PRMT3: variants seen among roughly 807,000 people sequenced by gnomAD.
The protein encoded by PRMT3 is protein arginine methyltransferase 3, also known as protein arginine N-methyltransferase 3.
Under a neutral mutation model 71.9 loss-of-function variants are expected in PRMT3, and 62 were observed. That is an observed-to-expected ratio of 0.86 (90% CI 0.70 to 1.07). The LOEUF is 1.07. Ranked by LOEUF, PRMT3 falls within the 50% of genes least tolerant of loss-of-function variation. The pLI is 0.00. For missense variants in PRMT3, 663 were observed against 643.0 expected, an observed-to-expected ratio of 1.03 and a Z score of -0.34; for synonymous variants, 213 against 220.4, an observed-to-expected ratio of 0.97 and a Z score of 0.30.
In PRMT3 at chr11:20,487,573, TTC is replaced by T. The variant is rs775320195; in HGVS notation, c.1348-6344_1348-6343del. 2.7e-4 allele frequency among the ~76,000 whole-genome samples: 41 copies of T among 152,216 alleles called. 1 individual carries two copies. The highest frequency in any genetic ancestry group is 6.4e-3 in the Middle Eastern group (2 of 314). On this transcript the variant is annotated intron_variant, in intron 13 of 15. Coordinates refer to ENST00000331079, the MANE Select transcript of PRMT3 (RefSeq NM_005788.4). ...GGGGGACTACTAGGGTGCTGAGATG[TTC>T]TGTTTCTTCATCTGGGTGTGGGTTT...
At chr11:20,428,970 A>G (rs7396986) in intron 10 of PRMT3, among the ~76,000 whole-genome samples, 1 of 151,948 alleles carries the variant, frequency 6.6e-6, no homozygotes, top group Non-Finnish European at 1.5e-5. Flanking sequence ...AATGCTAGTT[A>G]CTTGTGGGCA....
At chr11:20,507,328 T>A (rs1187140360) in intron 15 of PRMT3, among the ~76,000 whole-genome samples, 1 of 152,196 alleles carries the variant, frequency 6.6e-6, no homozygotes, top group Non-Finnish European at 1.5e-5. Flanking sequence ...AGGGACCATA[T>A]CTTTTTTCTA....
intron 9 of PRMT3, 35 bp downstream of exon 9, chr11:20,408,067 T>C: frequency 7.1e-7 from 1 of 1,403,142 alleles, no homozygotes; most frequent in Non-Finnish European, 9.7e-7. Flanking sequence ...TAAGATTATT[T>C]TAAAATTTAA....
chr11:20,415,373 A>C (rs1456798414), intron 9 of PRMT3, among the ~76,000 whole-genome samples: 2 of 152,052 alleles, frequency 1.3e-5, no homozygotes, highest in African/African-American at 4.8e-5. Context: ...ACATTCCATG[A>C]CCACCCACTA....
intron 13 of PRMT3, among the ~76,000 whole-genome samples, chr11:20,483,028 C>G (rs532294414): frequency 6.6e-6 from 1 of 151,996 alleles, no homozygotes; most frequent in African/African-American, 2.4e-5. Flanking sequence ...CAAAAAAAAA[C>G]TATTCATTTC....
chr11:20,450,189 C>A lies in PRMT3; in HGVS notation c.994-1941C>A, dbSNP rs534639271. On this transcript the variant is annotated intron_variant, in intron 10 of 15. Transcript: ENST00000331079. ...GAATGTAGTGAATACTTAATTTGTACTAAAGTGTTAATTTTATTTATTTTA... is the reference window on the plus strand; with the variant it reads ...GAATGTAGTGAATACTTAATTTGTAATAAAGTGTTAATTTTATTTATTTTA... Among the ~76,000 whole-genome samples the A allele has an allele frequency of 5.9e-5, 9 of 152,132 alleles. No homozygotes were observed. The East Asian group carries it at 1.7e-3, about 29-fold the overall frequency.
chr11:20,438,677 A>G (rs541279870), intron 10 of PRMT3, among the ~76,000 whole-genome samples: 1 of 152,104 alleles, frequency 6.6e-6, no homozygotes, highest in Admixed American at 6.6e-5. Context: ...CCACTTCACC[A>G]TAGACCTGTG....
chr11:20,401,309 A>G (rs1848943232), intron 7 of PRMT3, among the ~76,000 whole-genome samples: 1 of 152,204 alleles, frequency 6.6e-6, no homozygotes. Context: ...AGAAGAGTGT[A>G]AAATTTGTAA....
chr11:20,486,570 A>C (rs1016721460), intron 13 of PRMT3, among the ~76,000 whole-genome samples: 1 of 152,114 alleles, frequency 6.6e-6, no homozygotes, highest in Non-Finnish European at 1.5e-5. Context: ...ACACCTACCT[A>C]ATACAGGGCA....
intron 7 of PRMT3, among the ~76,000 whole-genome samples, chr11:20,402,158 G>A (rs937173688): frequency 2.6e-5 from 4 of 151,156 alleles, no homozygotes; most frequent in Non-Finnish European, 4.4e-5. Flanking sequence ...GCGCTCTTGT[G>A]GCCCAGGCTG....
intron 9 of PRMT3, among the ~76,000 whole-genome samples, chr11:20,412,022 C>T (rs1849204086): frequency 6.6e-6 from 1 of 152,026 alleles, no homozygotes; most frequent in African/African-American, 2.4e-5. Context: ...GGAAATTGAA[C>T]AAGTAGATGT....
At chr11:20,480,535 T>C (rs1020370467) in intron 13 of PRMT3, among the ~76,000 whole-genome samples, 4 of 152,068 alleles carry the variant, frequency 2.6e-5, no homozygotes, top group African/African-American at 9.7e-5. Flanking sequence ...GTTTCAGTTG[T>C]GATGTTTTTT....
chr11:20,410,345 G>T (rs1227117992), intron 9 of PRMT3, among the ~76,000 whole-genome samples: 3 of 151,880 alleles, frequency 2.0e-5, no homozygotes, highest in Admixed American at 6.6e-5. Context: ...TTTCATTGCG[G>T]TCATCTAAAC....
chr11:20,395,185 T>A (rs1592332812), intron 5 of PRMT3, among the ~76,000 whole-genome samples: 1 of 152,232 alleles, frequency 6.6e-6, no homozygotes. Context: ...ATATTAGGTT[T>A]TTTTCTTTCT....
At chr11:20,489,829 C>G (rs1190758548) in intron 13 of PRMT3, among the ~76,000 whole-genome samples, 1 of 150,608 alleles carries the variant, frequency 6.6e-6, no homozygotes, top group African/African-American at 2.4e-5. Flanking sequence ...GTTGTCCCAG[C>G]TACTCAGGAG....
rs1293980597 is a variant in PRMT3 at position 20,387,722 on chromosome 11, G to C, written c.-25G>C. On this transcript the variant is annotated 5_prime_UTR_variant, in exon 1 of 16. Transcript: ENST00000331079. This position sits in a 1 kb window ranked among gnomAD's most constrained non-coding sequence, Gnocchi z 4.3. Reference sequence around the variant, plus strand: ...CAACCCGGTCCCCGCCCCCAGACACGCCGGGCTCTCGGGGCACCACAGCCA... The same window carrying C: ...CAACCCGGTCCCCGCCCCCAGACACCCCGGGCTCTCGGGGCACCACAGCCA... 2.6e-6 allele frequency: 4 copies of C among 1,523,054 alleles called. No homozygotes were observed. The African/African-American group carries it at 5.6e-5, about 21-fold the overall frequency. 94.3% of individuals were successfully genotyped at this position (1,523,054 alleles called of 1,614,324 possible).
intron 8 of PRMT3, among the ~76,000 whole-genome samples, chr11:20,404,211 GTTTTTTTTTTTTTTTTTTTTTTTTTTTT>G (rs71063629): frequency 0.018 from 601 of 34,324 alleles, 4 homozygotes; most frequent in Non-Finnish European, 0.025. Flanking sequence ...ACTTTTCATA[GTTTTTTTTTTTTTTTTTTTTTTTTTTTT>G]TTTTTTTTTT....
At chr11:20,490,939 G>A (rs1265036948) in intron 13 of PRMT3, among the ~76,000 whole-genome samples, 1 of 152,014 alleles carries the variant, frequency 6.6e-6, no homozygotes, top group Non-Finnish European at 1.5e-5. Context: ...TCTAGATATA[G>A]AATTTTAAAA....
At chr11:20,403,752 CT>C (rs1395637524) in intron 8 of PRMT3, among the ~76,000 whole-genome samples, 17 of 152,122 alleles carry the variant, frequency 1.1e-4, no homozygotes, top group Non-Finnish European at 1.9e-4. Context: ...ATTTATATAC[CT>C]TTCCTTGGAA....
Sources: gnomAD v4.1 joint callset for allele counts (sites outside exome capture counted in the v4.1 genomes callset) on GRCh38, gnomAD v4.1.1 for gene constraint, Gnocchi (gnomAD v3.1) non-coding constraint, MANE v1.5 for transcripts, NCBI Gene and HGNC (gene_info 2026-07-23, HGNC 2026-07-21) for gene names.